Variants in CLVS1 observed in about 807,000 individuals in gnomAD.
The protein encoded by CLVS1 is clavesin 1, also known as clavesin-1.
CLVS1 carries 10 observed loss-of-function variants against 33.1 expected under a neutral mutation model. The ratio of observed to expected loss-of-function variants is 0.30; its 90% confidence interval spans 0.19 to 0.51. The LOEUF (loss-of-function observed/expected upper bound fraction) is 0.51. Ranked by LOEUF, CLVS1 falls within the 20% of genes least tolerant of loss-of-function variation. CLVS1 has a pLI of 0.97. For synonymous variants in CLVS1, 163 were observed against 166.1 expected, an observed-to-expected ratio of 0.98 and a Z score of 0.14; for missense variants, 343 against 433.4, an observed-to-expected ratio of 0.79 and a Z score of 1.85.
In CLVS1 at chr8:61,300,040, A is replaced by G. The variant is rs1159658494; in HGVS notation, c.213A>G (p.Thr71=). 2 of 1,614,062 alleles carry G rather than the reference A, an allele frequency of 1.2e-6. No individual in the cohort carries two copies. Among genetic ancestry groups the G allele is most frequent in the South Asian group, 1.1e-5 (1 of 91,074 alleles). The change falls in exon 2 of 6, where the codon ACA becomes ACG. Residue 71 remains threonine (T), a synonymous_variant. Coordinates refer to ENST00000325897, the MANE Select transcript of CLVS1 (RefSeq NM_173519.3). ...ITRPDIGFLR[T]DDAFILRFLR... The stretch of plus-strand genomic sequence containing the variant: ...GGCCTGACATTGGATTTTTACGTAC[A>G]GATGATGCCTTCATCCTGAGATTTC...
chr8:61,288,086 G>A lies in CLVS1; in HGVS notation c.-204G>A. On this transcript the variant is annotated 5_prime_UTR_variant, in exon 1 of 6. Coordinates refer to ENST00000325897, the MANE Select transcript of CLVS1 (RefSeq NM_173519.3). ...GATCTCACCCACCCAGTTCAGCAGC[G>A]AGGACACCTGCAGAAATACATTCCC... The A allele has an allele frequency of 4.4e-6, 2 of 456,254 alleles. No individual in the cohort carries two copies. The highest frequency in any genetic ancestry group is 4.4e-6 in the Non-Finnish European group (1 of 226,964). The allele number at this position is 456,254 out of a possible 1,614,324, so 28.3% of individuals were successfully genotyped here.
Position 61,459,595 on chromosome 8 carries a change from G to A in CLVS1, c.977+1053G>A, listed in dbSNP as rs77038420. 7.7e-3 allele frequency among the ~76,000 whole-genome samples: 1,172 copies of A among 151,608 alleles called. 9 individuals are homozygous for A. Among genetic ancestry groups the A allele is most frequent in the African/African-American group, 0.027 (1,121 of 41,278 alleles). Reference sequence around the variant, plus strand: ...TCACCCATCGGTGAGAACATAAGATGTGAAACCTGATTTTTTAAGACTAAA... The same window carrying A: ...TCACCCATCGGTGAGAACATAAGATATGAAACCTGATTTTTTAAGACTAAA... On this transcript the variant is annotated intron_variant, in intron 5 of 5. Transcript: ENST00000325897.
chr8:61,288,540 G>A (rs985758714), intron 1 of CLVS1, among the ~76,000 whole-genome samples: 6 of 152,232 alleles, frequency 3.9e-5, no homozygotes, highest in African/African-American at 1.4e-4. Context: ...TGAAAACAAA[G>A]AGAGACGCCT....
intron 2 of CLVS1, among the ~76,000 whole-genome samples, chr8:61,304,184 A>G (rs1392062082): frequency 6.6e-6 from 1 of 152,270 alleles, no homozygotes; most frequent in Non-Finnish European, 1.5e-5. Flanking sequence ...GGGTTTACTA[A>G]GATTAAAATG....
the CLVS1 span, among the ~76,000 whole-genome samples, chr8:61,001,669 G>C: frequency 6.6e-6 from 1 of 152,216 alleles, no homozygotes; most frequent in Non-Finnish European, 1.5e-5. Context: ...TAAATCAAGT[G>C]CAAACTCCTT....
intron 1 of CLVS1, among the ~76,000 whole-genome samples, chr8:61,293,438 T>G (rs1187872138): frequency 6.6e-6 from 1 of 152,136 alleles, no homozygotes; most frequent in African/African-American, 2.4e-5. Context: ...CTCCTTCTGG[T>G]CAGCACCATG....
intron 2 of CLVS1, among the ~76,000 whole-genome samples, chr8:61,234,125 T>A (rs929954403): frequency 2.6e-5 from 4 of 152,052 alleles, no homozygotes; most frequent in African/African-American, 4.8e-5. Flanking sequence ...GCCAGCTTCC[T>A]GGTAAATCCT....
chr8:61,174,711 A>G (rs1255220526), intron 2 of CLVS1, among the ~76,000 whole-genome samples: 1 of 152,208 alleles, frequency 6.6e-6, no homozygotes, highest in East Asian at 1.9e-4. Flanking sequence ...TTAAGGGTTC[A>G]TTTATATTTA....
intron 3 of CLVS1, among the ~76,000 whole-genome samples, chr8:61,446,033 T>C (rs1342273945): frequency 6.6e-6 from 1 of 152,168 alleles, no homozygotes; most frequent in African/African-American, 2.4e-5. Flanking sequence ...TGTTGGTAAT[T>C]TGTGACTTCT....
At chr8:61,204,947 A>T (rs1807809247) in intron 2 of CLVS1, among the ~76,000 whole-genome samples, 1 of 152,188 alleles carries the variant, frequency 6.6e-6, no homozygotes, top group Non-Finnish European at 1.5e-5. Flanking sequence ...AGCCATTAGA[A>T]ATGGTTGAAC....
chr8:60,991,842 G>T, the CLVS1 span, among the ~76,000 whole-genome samples: 1 of 151,372 alleles, frequency 6.6e-6, no homozygotes, highest in Non-Finnish European at 1.5e-5. Context: ...CATCTCCCGG[G>T]TTCAAGAGAT....
chr8:61,225,724 G>A (rs1437649692), intron 2 of CLVS1, among the ~76,000 whole-genome samples: 3 of 152,184 alleles, frequency 2.0e-5, no homozygotes, highest in Non-Finnish European at 4.4e-5. Flanking sequence ...CATTCTATAA[G>A]CCAGCATGTG....
chr8:61,460,266 C>T (rs76132008), intron 5 of CLVS1, among the ~76,000 whole-genome samples: 16,619 of 152,064 alleles, frequency 0.11, 2,346 homozygotes, highest in African/African-American at 0.33. Context: ...TCAAGGACAT[C>T]AGTTCATATA....
chr8:61,408,134 G>A (rs539813122), intron 3 of CLVS1, among the ~76,000 whole-genome samples: 2 of 152,222 alleles, frequency 1.3e-5, no homozygotes, highest in African/African-American at 2.4e-5. Context: ...TCCATTGGGC[G>A]GTAGGGAGAA....
At chr8:61,019,022 GACA>G in the CLVS1 span, among the ~76,000 whole-genome samples, 1 of 152,222 alleles carries the variant, frequency 6.6e-6, no homozygotes, top group African/African-American at 2.4e-5. Context: ...TATAAGCATG[GACA>G]ACCTGGGAAG....
At chr8:61,078,550 A>G (rs555779308) in intron 1 of CLVS1, among the ~76,000 whole-genome samples, 1 of 152,340 alleles carries the variant, frequency 6.6e-6, no homozygotes, top group African/African-American at 2.4e-5. Context: ...TGTAAAGCTA[A>G]GATTCAATGT....
chr8:61,356,189 T>C (rs1427210317), intron 2 of CLVS1, among the ~76,000 whole-genome samples: 1 of 152,020 alleles, frequency 6.6e-6, no homozygotes, highest in African/African-American at 2.4e-5. Context: ...TTTTCATGTG[T>C]TTTTTGGCTG....
the CLVS1 span, among the ~76,000 whole-genome samples, chr8:60,998,388 A>G: frequency 6.6e-6 from 1 of 152,028 alleles, no homozygotes; most frequent in East Asian, 1.9e-4. Flanking sequence ...ACAATGTCAC[A>G]CCGGAATACC....
At chr8:60,995,008 C>A in the CLVS1 span, among the ~76,000 whole-genome samples, 5 of 151,730 alleles carry the variant, frequency 3.3e-5, no homozygotes, top group South Asian at 6.3e-4. Context: ...ATACAAAAAT[C>A]AATTCAAGAT....
Sources: gnomAD v4.1 joint callset for allele counts (sites outside exome capture counted in the v4.1 genomes callset) on GRCh38, gnomAD v4.1.1 for gene constraint, MANE v1.5 for transcripts, NCBI Gene and HGNC (gene_info 2026-07-23, HGNC 2026-07-21) for gene names.